Variants in MTMR3 observed in about 807,000 individuals in gnomAD.
MTMR3 encodes the protein phosphatidylinositol-3,5-bisphosphate 3-phosphatase MTMR3.
In MTMR3, 32 loss-of-function variants were observed where a neutral mutation model predicts 132.4. The observed-to-expected ratio is 0.24, with a 90% CI of 0.18 to 0.32. The LOEUF (loss-of-function observed/expected upper bound fraction) is 0.32. Among genes scored for constraint, MTMR3 ranks in the 10% least tolerant of loss-of-function variants. The pLI, the probability that MTMR3 is intolerant of heterozygous loss-of-function variation, is 1.00. For missense variants in MTMR3, 1,216 were observed against 1,489.6 expected (o/e 0.82, Z 3.02); for synonymous variants, 556 against 550.3 (o/e 1.01, Z -0.14).
At chr22:29,941,004 C>A (rs1266123329) in intron 1 of MTMR3, among the ~76,000 whole-genome samples, 1 of 150,080 alleles carries the variant, frequency 6.7e-6, no homozygotes, top group African/African-American at 2.5e-5. Context: ...ACTGCAGCCA[C>A]TGCCTCAATC....
chr22:29,892,300 C>G (rs551041865), intron 1 of MTMR3, among the ~76,000 whole-genome samples: 7 of 152,176 alleles, frequency 4.6e-5, no homozygotes, highest in Admixed American at 6.5e-5. Flanking sequence ...AATGTAAGTA[C>G]TCTATTTCTT....
At chr22:29,974,941 T>C (rs890701485) in intron 3 of MTMR3, among the ~76,000 whole-genome samples, 2 of 152,212 alleles carry the variant, frequency 1.3e-5, no homozygotes, top group African/African-American at 4.8e-5. Flanking sequence ...AAAATCTCCC[T>C]AAATTGAAGA....
intron 18 of MTMR3, 22 bp from the exon 19 acceptor site, chr22:30,022,587 C>G (rs1197806463): frequency 1.2e-6 from 2 of 1,606,886 alleles, no homozygotes; most frequent in Non-Finnish European, 1.7e-6. Flanking sequence ...CTGTCAGTAA[C>G]CTGGTCCCAT....
At chr22:29,917,167 A>G (rs1162429316) in intron 1 of MTMR3, among the ~76,000 whole-genome samples, 1 of 152,204 alleles carries the variant, frequency 6.6e-6, no homozygotes, top group East Asian at 1.9e-4. Context: ...TTTTTCATGT[A>G]AGGGAGGGAT....
chr22:29,988,839 T>A (rs1479532783), intron 6 of MTMR3: 2 of 194,924 alleles, frequency 1.0e-5, no homozygotes, highest in African/African-American at 4.7e-5. Context: ...TCACCCAGAT[T>A]CACTTGTTAA....
chr22:29,998,034 A>T (rs1402893984), intron 7 of MTMR3: 1 of 152,180 alleles, frequency 6.6e-6, no homozygotes, highest in African/African-American at 2.4e-5. Context: ...ACTCGTGGTG[A>T]TCTTGTTATT....
intron 1 of MTMR3, among the ~76,000 whole-genome samples, chr22:29,923,575 A>C (rs2065461382): frequency 1.3e-5 from 2 of 152,100 alleles, no homozygotes; most frequent in Non-Finnish European, 2.9e-5. Flanking sequence ...TGTCTGTTCA[A>C]GTCTTTATTA....
chr22:29,895,664 G>A (rs1025200417), intron 1 of MTMR3, among the ~76,000 whole-genome samples: 2 of 152,170 alleles, frequency 1.3e-5, no homozygotes, highest in Admixed American at 6.5e-5. Flanking sequence ...CTGGCTGCAG[G>A]CATTGCAGTT....
In MTMR3 at chr22:30,007,226, G is replaced by A; in HGVS notation, c.784G>A (p.Ala262Thr). Reference protein sequence around the residue: ...HLVQSVAKACASDSRSSGSKL... With the variant: ...HLVQSVAKACTSDSRSSGSKL... Reference sequence around the variant, plus strand: ...GGTACAGTCAGTAGCCAAAGCTTGTGCCTCTGACTCCCGATCGAGTGGCAG... The same window carrying A: ...GGTACAGTCAGTAGCCAAAGCTTGTACCTCTGACTCCCGATCGAGTGGCAG... Residue 262 changes from alanine (A) to threonine (T), a missense_variant, in exon 10 of 20, where the codon GCC (alanine) becomes ACC (threonine). Around this residue, in one of 7 missense-constraint regions of MTMR3, gnomAD observed 129 missense variants for 245.7 expected, o/e 0.53. Transcript: ENST00000401950. The A allele has an allele frequency of 3.1e-6, 5 of 1,614,206 alleles. No individual in the cohort carries two copies. Among genetic ancestry groups the A allele is most frequent in the Non-Finnish European group, 4.2e-6 (5 of 1,180,040 alleles).
intron 1 of MTMR3, among the ~76,000 whole-genome samples, chr22:29,906,805 G>A (rs567065877): frequency 6.6e-6 from 1 of 152,194 alleles, no homozygotes; most frequent in East Asian, 1.9e-4. Context: ...TTTGGCTGGT[G>A]TGGTGGCTCA....
chr22:29,964,800 T>C (rs1307080272), intron 2 of MTMR3, among the ~76,000 whole-genome samples: 1 of 152,224 alleles, frequency 6.6e-6, no homozygotes, highest in Non-Finnish European at 1.5e-5. Context: ...CACGTCACTC[T>C]GCTATTTAAA....
intron 19 of MTMR3, chr22:30,024,712 C>T (rs2067864634): frequency 1.3e-5 from 2 of 152,194 alleles, no homozygotes; most frequent in South Asian, 2.1e-4. Context: ...TGTTCTTAGG[C>T]TCATTAGGAT....
intron 1 of MTMR3, among the ~76,000 whole-genome samples, chr22:29,911,862 C>T (rs2065219732): frequency 6.6e-6 from 1 of 152,078 alleles, no homozygotes; most frequent in South Asian, 2.1e-4. Context: ...TTATTTATGC[C>T]TATACAGTGT....
intron 19 of MTMR3, chr22:30,024,824 G>C (rs1406829858): frequency 1.3e-5 from 2 of 152,182 alleles, no homozygotes; most frequent in African/African-American, 4.8e-5. Context: ...GCATCCATCT[G>C]GGGGTGCAGA....
At chr22:29,884,547 G>T (rs1448666607) in intron 1 of MTMR3, among the ~76,000 whole-genome samples, 2 of 126,678 alleles carry the variant, frequency 1.6e-5, no homozygotes, top group Non-Finnish European at 3.2e-5. Context: ...CTTACAGAAT[G>T]ACACTTTTTT....
chr22:29,934,535 T>C (rs1166259890), intron 1 of MTMR3, among the ~76,000 whole-genome samples: 1 of 151,782 alleles, frequency 6.6e-6, no homozygotes, highest in African/African-American at 2.4e-5. Context: ...CATTTTAATA[T>C]AAAAATCTAC....
intron 2 of MTMR3, among the ~76,000 whole-genome samples, chr22:29,958,094 G>C (rs1312678414): frequency 2.9e-5 from 4 of 135,864 alleles, no homozygotes. Flanking sequence ...GGGGATTACT[G>C]TAGTGCAAAT....
At chr22:29,970,849 G>T in intron 2 of MTMR3, 127 bp from the exon 3 acceptor site, 1 of 421,418 alleles carries the variant, frequency 2.4e-6, no homozygotes, top group Non-Finnish European at 4.2e-6. Flanking sequence ...ACTCTGATCA[G>T]CTTCTTAGGC....
At chr22:30,023,151 T>G (rs2145982833) in intron 19 of MTMR3, 1 of 455,906 alleles carries the variant, frequency 2.2e-6, no homozygotes, top group South Asian at 2.4e-5. Context: ...TAGAGACAGC[T>G]GAGGACAGTC....
Sources: gnomAD v4.1 joint callset for allele counts (sites outside exome capture counted in the v4.1 genomes callset) on GRCh38, gnomAD v4.1.1 for gene constraint, gnomAD v4.1.1 regional missense constraint, MANE v1.5 for transcripts, NCBI Gene and HGNC (gene_info 2026-07-23, HGNC 2026-07-21) for gene names.